Variants in DLGAP2 observed in about 807,000 individuals in gnomAD.
The protein encoded by DLGAP2 is disks large-associated protein 2.
In DLGAP2, 26 loss-of-function variants were observed where a neutral mutation model predicts 100.3. The ratio of observed to expected loss-of-function variants is 0.26; its 90% confidence interval spans 0.19 to 0.36. DLGAP2 has a LOEUF of 0.36. Ranked by LOEUF, DLGAP2 falls within the 10% of genes least tolerant of loss-of-function variation. The pLI, the probability that DLGAP2 is intolerant of heterozygous loss-of-function variation, is 1.00. For missense variants in DLGAP2, 1,858 were observed against 1,453.2 expected, an observed-to-expected ratio of 1.28 and a Z score of -4.53; for synonymous variants, 886 against 630.1, an observed-to-expected ratio of 1.41 and a Z score of -6.08.
chr8:870,763 C>T (rs1001620952), intron 1 of DLGAP2, among the ~76,000 whole-genome samples: 4 of 152,124 alleles, frequency 2.6e-5, no homozygotes, highest in South Asian at 2.1e-4. Context: ...TGTGGGTCTC[C>T]GCATGTCTTC....
At chr8:1,694,079 G>T (rs971675442) in intron 13 of DLGAP2, among the ~76,000 whole-genome samples, 1 of 152,176 alleles carries the variant, frequency 6.6e-6, no homozygotes, top group Non-Finnish European at 1.5e-5. Context: ...GCCAGAAATA[G>T]CTAATATTTG....
At chr8:1,481,001 T>C (rs1188384695) in intron 3 of DLGAP2, among the ~76,000 whole-genome samples, 1 of 151,506 alleles carries the variant, frequency 6.6e-6, no homozygotes, top group Non-Finnish European at 1.5e-5. Flanking sequence ...TGAAACCCCA[T>C]CTCTACTAAA....
At chr8:1,127,940 A>C (rs888599202) in intron 2 of DLGAP2, among the ~76,000 whole-genome samples, 1 of 152,254 alleles carries the variant, frequency 6.6e-6, no homozygotes, top group Non-Finnish European at 1.5e-5. Context: ...AAGCCACGCA[A>C]AATGTTCTAA....
intron 3 of DLGAP2, among the ~76,000 whole-genome samples, chr8:1,430,687 A>G (rs1288093741): frequency 1.3e-5 from 2 of 152,218 alleles, no homozygotes; most frequent in African/African-American, 4.8e-5. Flanking sequence ...TCTTGAAGAA[A>G]AATTAATCAT....
chr8:1,421,725 G>A (rs979215329), intron 3 of DLGAP2, among the ~76,000 whole-genome samples: 2 of 152,110 alleles, frequency 1.3e-5, no homozygotes, highest in African/African-American at 2.4e-5. Context: ...CAGCACTTTG[G>A]GAGGCTGAGG....
rs80115697 is a variant in DLGAP2 at position 1,235,562 on chromosome 8, G to C, written c.74-23289G>C. Among the ~76,000 whole-genome samples, 9 of 124,488 alleles carry C rather than the reference G, an allele frequency of 7.2e-5. 2 individuals carry two copies. The East Asian group carries it at 1.8e-3, about 25-fold the overall frequency. The allele number at this position is 124,488 out of a possible 152,430, so 81.7% of individuals were successfully genotyped here. A position where few individuals can be genotyped will look rare whatever the true frequency, so the allele number is the denominator to read the frequency against. ...GTTCTCTCACATGGCGCCATGTCTAGTTCTCTCACATGGCACCATGTCTAG... is the reference window on the plus strand; with the variant it reads ...GTTCTCTCACATGGCGCCATGTCTACTTCTCTCACATGGCACCATGTCTAG... On this transcript the variant is annotated intron_variant, in intron 2 of 14. Coordinates refer to ENST00000637795, the MANE Select transcript of DLGAP2 (RefSeq NM_001346810.2).
intron 3 of DLGAP2, among the ~76,000 whole-genome samples, chr8:1,264,320 G>C (rs945677980): frequency 6.6e-6 from 1 of 152,082 alleles, no homozygotes; most frequent in Non-Finnish European, 1.5e-5. Context: ...GTCAGGTAGG[G>C]GTGGTGGAAA....
intron 1 of DLGAP2, among the ~76,000 whole-genome samples, chr8:785,252 A>AAAG (rs1821811417): frequency 2.9e-5 from 4 of 139,086 alleles, no homozygotes; most frequent in Non-Finnish European, 1.5e-5. Context: ...AAAAAAAAAA[A>AAAG]GGCACGTCCT....
At chr8:831,808 T>A (rs1026195148) in intron 1 of DLGAP2, among the ~76,000 whole-genome samples, 1 of 152,204 alleles carries the variant, frequency 6.6e-6, no homozygotes, top group African/African-American at 2.4e-5. Context: ...TCACAATGGT[T>A]GAACTAATTT....
At chr8:1,237,549 A>T (rs1363395038) in intron 2 of DLGAP2, among the ~76,000 whole-genome samples, 1 of 129,070 alleles carries the variant, frequency 7.7e-6, no homozygotes, top group African/African-American at 3.0e-5. Context: ...GTTCTCTCAC[A>T]TGGCGCCGTG....
At chr8:804,724 A>G (rs1205881112) in intron 1 of DLGAP2, among the ~76,000 whole-genome samples, 1 of 152,208 alleles carries the variant, frequency 6.6e-6, no homozygotes, top group African/African-American at 2.4e-5. Flanking sequence ...TCTTCCAGCA[A>G]GGGCACTGGT....
At chr8:1,576,604 C>G (rs1333555822) in intron 6 of DLGAP2, among the ~76,000 whole-genome samples, 1 of 152,108 alleles carries the variant, frequency 6.6e-6, no homozygotes, top group Admixed American at 6.6e-5. Context: ...GGTTTTAGGT[C>G]TAACATGTAA....
chr8:1,652,301 A>G (rs9644314), intron 8 of DLGAP2, among the ~76,000 whole-genome samples: 78,584 of 151,944 alleles, frequency 0.52, 20,463 homozygotes, highest in South Asian at 0.61. Flanking sequence ...TTAGTAATCC[A>G]TTCCATTCAT....
At position 1,606,601 on chromosome 8, in the gene DLGAP2, C is replaced by A. The variant is rs549913064; in HGVS notation, c.1443-20139C>A. Among the ~76,000 whole-genome samples, 6 of 152,306 alleles carry A rather than the reference C, an allele frequency of 3.9e-5. No homozygotes were observed. The East Asian group carries it at 7.7e-4, about 20-fold the overall frequency. On this transcript the variant is annotated intron_variant, in intron 6 of 14. Coordinates refer to ENST00000637795, the MANE Select transcript of DLGAP2 (RefSeq NM_001346810.2). ...CATATTCCATTGTATGGATAGACCA[C>A]AGTTTATTTACCCATCCATCATGGA... is the stretch of plus-strand genomic sequence containing the variant.
At chr8:797,288 A>G (rs893247979) in intron 1 of DLGAP2, among the ~76,000 whole-genome samples, 2 of 152,214 alleles carry the variant, frequency 1.3e-5, no homozygotes, top group Non-Finnish European at 2.9e-5. Context: ...CCTACTCTTA[A>G]AAAAATGGAT....
chr8:1,436,266 C>A (rs527487716), intron 3 of DLGAP2, among the ~76,000 whole-genome samples: 1 of 152,276 alleles, frequency 6.6e-6, no homozygotes, highest in South Asian at 2.1e-4. Context: ...GAGCCCCGGG[C>A]AAACCACTGG....
At chr8:1,328,853 T>G (rs1801083368) in intron 3 of DLGAP2, among the ~76,000 whole-genome samples, 2 of 152,234 alleles carry the variant, frequency 1.3e-5, no homozygotes, top group East Asian at 3.8e-4. Flanking sequence ...CAGATGCTCA[T>G]GTACACACTT....
intron 8 of DLGAP2, among the ~76,000 whole-genome samples, chr8:1,653,950 A>C (rs534907474): frequency 6.6e-6 from 1 of 152,324 alleles, no homozygotes; most frequent in Admixed American, 6.5e-5. Flanking sequence ...TTTTAATTGA[A>C]GGTCACTTCC....
At chr8:1,496,062 G>C (rs2130302275) in intron 3 of DLGAP2, among the ~76,000 whole-genome samples, 1 of 152,288 alleles carries the variant, frequency 6.6e-6, no homozygotes, top group Non-Finnish European at 1.5e-5. Context: ...GATACATAGA[G>C]AATGTAAAAC....
Sources: gnomAD v4.1 joint callset for allele counts (sites outside exome capture counted in the v4.1 genomes callset) on GRCh38, gnomAD v4.1.1 for gene constraint, MANE v1.5 for transcripts, NCBI Gene and HGNC (gene_info 2026-07-23, HGNC 2026-07-21) for gene names.